The following ASH1L variants were observed in gnomAD, a reference collection of about 807,000 sequenced individuals.
ASH1L encodes the protein ASH1 like histone lysine methyltransferase.
In ASH1L, 23 loss-of-function variants were observed where a neutral mutation model predicts 269.0. That is an observed-to-expected ratio of 0.09 (90% CI 0.06 to 0.12). The LOEUF is 0.12. ASH1L is among the 10% of genes least tolerant of loss of function. The pLI is 1.00. For missense variants in ASH1L, 2,912 were observed against 3,567.8 expected (o/e 0.82, Z 4.68); for synonymous variants, 1,187 against 1,253.5 (o/e 0.95, Z 1.12).
chr1:155,532,049 T>A (rs1669708501), intron 1 of ASH1L, among the ~76,000 whole-genome samples: 1 of 152,246 alleles, frequency 6.6e-6, no homozygotes, highest in Non-Finnish European at 1.5e-5. Flanking sequence ...TGGTTTCTAC[T>A]ACAATATATT....
intron 2 of ASH1L, among the ~76,000 whole-genome samples, chr1:155,489,449 G>A (rs1381883352): frequency 6.7e-6 from 1 of 149,938 alleles, no homozygotes; most frequent in African/African-American, 2.5e-5. Flanking sequence ...ACTCCAGCCT[G>A]GGAGACAGAC....
At position 155,479,834 on chromosome 1, in the gene ASH1L, C is replaced by T. The variant is rs1558149205; in HGVS notation, c.3036G>A (p.Gly1012=). 6.2e-7 allele frequency: 1 copy of T among 1,613,998 alleles called. No homozygotes were observed. The highest frequency in any genetic ancestry group is 8.5e-7 in the Non-Finnish European group (1 of 1,179,978). ...LSSSVESSNK[G]KVQSKLHNTV... The stretch of plus-strand genomic sequence containing the variant: ...TATTATGGAGTTTGGATTGCACTTT[C>T]CCTTTATTACTTGATTCTACAGAAC... The change falls in exon 3 of 28, where the codon GGG becomes GGA. Residue 1012 remains glycine, a synonymous_variant. Coordinates refer to ENST00000392403, the MANE Select transcript of ASH1L (RefSeq NM_018489.3).
At chr1:155,423,373 G>C (rs1364998545) in intron 5 of ASH1L, among the ~76,000 whole-genome samples, 1 of 151,934 alleles carries the variant, frequency 6.6e-6, no homozygotes, top group Non-Finnish European at 1.5e-5. Flanking sequence ...GAGTTCAGGA[G>C]ATTGTGACCA....
chr1:155,436,271 CCT>C lies in ASH1L; in HGVS notation c.5828+2054_5828+2055del, dbSNP rs1466581291. ...ATGGTGCAATCTCGGCTCACTGCAA[CCT>C]CTCCACCTCCCGTGTTCAAGGGATT... On this transcript the variant is annotated intron_variant, in intron 5 of 27. Transcript: ENST00000392403. Among the ~76,000 whole-genome samples the C allele has an allele frequency of 2.0e-5, 3 of 151,956 alleles. No homozygotes were observed. The East Asian group carries it at 5.9e-4, about 30-fold the overall frequency.
In ASH1L at chr1:155,518,987, G is replaced by A. The variant is rs539528513; in HGVS notation, c.420+2113C>T. 2.4e-3 allele frequency among the ~76,000 whole-genome samples: 362 copies of A among 152,174 alleles called. 2 individuals are homozygous for A. The highest frequency in any genetic ancestry group is 8.3e-3 in the African/African-American group (346 of 41,524). On this transcript the variant is annotated intron_variant, in intron 2 of 27. Coordinates refer to ENST00000392403, the MANE Select transcript of ASH1L (RefSeq NM_018489.3). ...TGAAAGCGCTAAATAAATAATTACC[G>A]TATGACCCAGCAATTCTATTCCCAA...
chr1:155,385,789 C>A (rs1187870995), intron 7 of ASH1L, among the ~76,000 whole-genome samples: 3 of 152,168 alleles, frequency 2.0e-5, no homozygotes, highest in African/African-American at 7.2e-5. Context: ...CTCATTACTG[C>A]CAGCTGTAAG....
At chr1:155,525,772 G>A (rs371410860) in intron 1 of ASH1L, among the ~76,000 whole-genome samples, 2 of 151,942 alleles carry the variant, frequency 1.3e-5, no homozygotes, top group South Asian at 2.1e-4. Flanking sequence ...TTCTGTATTT[G>A]TCAGCTATAC....
At chr1:155,529,618 T>C (rs1385383593) in intron 1 of ASH1L, among the ~76,000 whole-genome samples, 1 of 152,138 alleles carries the variant, frequency 6.6e-6, no homozygotes, top group Non-Finnish European at 1.5e-5. Context: ...AAATGCAACA[T>C]GCTTCTAACT....
intron 7 of ASH1L, among the ~76,000 whole-genome samples, chr1:155,384,313 T>C (rs985708074): frequency 2.0e-5 from 3 of 152,174 alleles, no homozygotes; most frequent in South Asian, 2.1e-4. Flanking sequence ...GATATTTTCA[T>C]TGGTTAGAAG....
intron 2 of ASH1L, among the ~76,000 whole-genome samples, chr1:155,516,350 G>T (rs143521392): frequency 8.1e-4 from 123 of 152,288 alleles, no homozygotes; most frequent in Non-Finnish European, 1.6e-3. Flanking sequence ...CTGCTGGAAT[G>T]TAAGAAATAC....
At chr1:155,388,197 T>A (rs1240361393) in intron 7 of ASH1L, among the ~76,000 whole-genome samples, 1 of 152,170 alleles carries the variant, frequency 6.6e-6, no homozygotes, top group Non-Finnish European at 1.5e-5. Flanking sequence ...GATTTTGCAT[T>A]TCAACAGAAA....
chr1:155,378,268 A>G lies in ASH1L; in HGVS notation c.6332+13T>C, dbSNP rs372544256. ...AAAGCCTATGCTTTAGAGAAATCAA[A>G]GCATGACAGTACCTATTGAGGCAGT... On this transcript the variant is annotated intron_variant, in intron 10 of 27. Transcript: ENST00000392403. The G allele has an allele frequency of 5.8e-4, 930 of 1,602,226 alleles. No individual in the cohort carries two copies. The highest frequency in any genetic ancestry group is 1.7e-3 in the Admixed American group (101 of 60,012).
chr1:155,514,760 A>C (rs1188651495), intron 2 of ASH1L, among the ~76,000 whole-genome samples: 4 of 152,148 alleles, frequency 2.6e-5, no homozygotes, highest in Non-Finnish European at 5.9e-5. Context: ...TGAAGATAAG[A>C]AGCACAGTGG....
At chr1:155,461,334 T>G (rs1173698562) in intron 3 of ASH1L, among the ~76,000 whole-genome samples, 2 of 152,320 alleles carry the variant, frequency 1.3e-5, no homozygotes, top group East Asian at 3.9e-4. Flanking sequence ...TGGGAAGCAC[T>G]GCTCAGGTGA....
chr1:155,448,507 C>CT (rs1663200454), intron 4 of ASH1L, among the ~76,000 whole-genome samples: 1 of 152,086 alleles, frequency 6.6e-6, no homozygotes, highest in Admixed American at 6.6e-5. Context: ...TCACTTTCTT[C>CT]TTTTTTGAGA....
chr1:155,346,268 G>A, intron 21 of ASH1L, 115 bp downstream of exon 21: 5 of 1,561,344 alleles, frequency 3.2e-6, no homozygotes, highest in Non-Finnish European at 4.4e-6. Context: ...CCAAGGCCCA[G>A]AGAGGCTGAA....
At chr1:155,489,835 T>TAAATAAATAAATA (rs894162203) in intron 2 of ASH1L, among the ~76,000 whole-genome samples, 1 of 150,618 alleles carries the variant, frequency 6.6e-6, no homozygotes, top group African/African-American at 2.4e-5. Flanking sequence ...AATAAATAAA[T>TAAATAAATAAATA]AACAATATGG....
intron 2 of ASH1L, among the ~76,000 whole-genome samples, chr1:155,510,816 C>G (rs943661358): frequency 6.6e-6 from 1 of 151,854 alleles, no homozygotes; most frequent in African/African-American, 2.4e-5. Flanking sequence ...AAAATTAAGT[C>G]TTGTTTTTTA....
chr1:155,497,538 A>C (rs1012338903), intron 2 of ASH1L, among the ~76,000 whole-genome samples: 20 of 152,224 alleles, frequency 1.3e-4, no homozygotes, highest in Non-Finnish European at 2.4e-4. Flanking sequence ...AATATAGTAC[A>C]TAATACATAT....
Sources: allele counts gnomAD v4.1 joint callset (sites outside exome capture counted in the v4.1 genomes callset), GRCh38; gene constraint gnomAD v4.1.1; transcripts MANE v1.5; gene names NCBI Gene and HGNC (gene_info 2026-07-23, HGNC 2026-07-21).